The following CLEC12A variants were observed in gnomAD, a reference collection of about 807,000 sequenced individuals.
CLEC12A encodes the protein C-type lectin domain family 12 member A, also known as C-type lectin protein CLL-1.
Under a neutral mutation model 26.5 loss-of-function variants are expected in CLEC12A, and 22 were observed. The observed-to-expected ratio is 0.83, with a 90% confidence interval of 0.59 to 1.19. The LOEUF is 1.19. Among genes scored for constraint, CLEC12A ranks in the 50% most tolerant of loss-of-function variants. The pLI is 0.00. For missense variants in CLEC12A, 353 were observed against 315.6 expected, an observed-to-expected ratio of 1.12 and a Z score of -0.90; for synonymous variants, 119 against 101.9, an observed-to-expected ratio of 1.17 and a Z score of -1.01.
At chr12:9,958,062 T>C (rs1250002654) in intron 1 of CLEC12A, among the ~76,000 whole-genome samples, 1 of 152,210 alleles carries the variant, frequency 6.6e-6, no homozygotes, top group Admixed American at 6.5e-5. Context: ...ATCTGTGGTT[T>C]CCTGGAAGGT....
the CLEC12A span, among the ~76,000 whole-genome samples, chr12:10,002,106 C>T: frequency 6.6e-6 from 1 of 152,066 alleles, no homozygotes; most frequent in African/African-American, 2.4e-5. Context: ...TGGTCTTGAT[C>T]TCCTGACCTC....
chr12:9,985,033 A>G lies in CLEC12A; in HGVS notation c.*7A>G. 1.3e-6 allele frequency: 2 copies of G among 1,507,120 alleles called. No individual in the cohort carries two copies. The highest frequency in any genetic ancestry group is 8.9e-7 in the Non-Finnish European group (1 of 1,129,240). The allele number at this position is 1,507,120 out of a possible 1,614,324, so 93.4% of individuals were successfully genotyped here. ...ATATTTTAGGGAGGCATGAGGCATC[A>G]ATCAAATACATTTAAGGAGTGTAGG... On this transcript the variant is annotated 3_prime_UTR_variant, in exon 6 of 6. Transcript: ENST00000304361.
chr12:10,002,450 T>TG, the CLEC12A span, among the ~76,000 whole-genome samples: 1 of 33,916 alleles, frequency 2.9e-5, no homozygotes, highest in East Asian at 4.4e-4. Context: ...GTTTTTTTTT[T>TG]TTTTTTTTTT....
intron 1 of CLEC12A, among the ~76,000 whole-genome samples, chr12:9,956,576 G>A (rs673173): frequency 0.87 from 132,511 of 152,272 alleles, 57,907 homozygotes; most frequent in Middle Eastern, 0.92. Flanking sequence ...GGTTGTGCTC[G>A]AGAGGCCTTT....
At chr12:9,962,337 T>C (rs1023063583) in intron 1 of CLEC12A, among the ~76,000 whole-genome samples, 8 of 151,912 alleles carry the variant, frequency 5.3e-5, no homozygotes, top group African/African-American at 1.9e-4. Context: ...CTCTCAACTT[T>C]TAAATTATGT....
chr12:9,987,442 A>G (rs1302042749), downstream of CLEC12A, among the ~76,000 whole-genome samples: 1 of 152,166 alleles, frequency 6.6e-6, no homozygotes, highest in African/African-American at 2.4e-5. Context: ...CAGCCCCAAT[A>G]AATGTGCCAC....
intron 4 of CLEC12A, chr12:9,992,995 G>A (rs1436990624): frequency 1.4e-6 from 1 of 707,762 alleles, no homozygotes; most frequent in East Asian, 2.5e-5. Context: ...GAAGGGACTA[G>A]GTAATTCTGA....
rs1243744971 is a variant in CLEC12A, at chr12:9,982,047, T to C, written c.559T>C (p.Tyr187His). 4.4e-6 allele frequency: 7 copies of C among 1,589,374 alleles called. No homozygotes were observed. Among genetic ancestry groups the C allele is most frequent in the South Asian group, 1.1e-5 (1 of 90,392 alleles). The change falls in exon 5 of 6, where the codon TAT becomes CAT. Residue 187 changes from tyrosine to histidine, a missense_variant. Tyr to His is a moderately conservative substitution (Grantham distance 83). Transcript: ENST00000304361. ...ATTTATAAAATCCCAGAGTAGATCA[T>C]ATGACTATTGGCTGGGATTATCTCC... ...LEFIKSQSRS[Y>H]DYWLGLSPEE...
chr12:9,998,155 T>C, downstream of CLEC12A: 1 of 700,358 alleles, frequency 1.4e-6, no homozygotes, highest in Non-Finnish European at 2.6e-6. Context: ...TCTTGGCAAC[T>C]ATCTGTAGGA....
At chr12:9,951,286 G>A (rs1450859689), upstream of CLEC12A, 13 of 702,454 alleles carry the variant, frequency 1.9e-5, no homozygotes, top group Non-Finnish European at 3.4e-5. Context: ...CATTGCTGCT[G>A]CCAGCCCCAA....
upstream of CLEC12A, among the ~76,000 whole-genome samples, chr12:9,969,879 T>G (rs748637043): frequency 3.9e-5 from 6 of 152,228 alleles, no homozygotes; most frequent in South Asian, 4.1e-4. Flanking sequence ...ACTCACCAAC[T>G]GTGTGATGTT....
intron 1 of CLEC12A, chr12:9,952,109 T>A (rs1471314878): frequency 7.4e-6 from 1 of 135,038 alleles, no homozygotes; most frequent in Admixed American, 7.7e-5. Flanking sequence ...AAAAACAGGA[T>A]GTGAGCGCTC....
In CLEC12A at chr12:9,982,134, G is replaced by A. The variant is rs775599251; in HGVS notation, c.641+5G>A. The A allele has an allele frequency of 1.2e-5, 17 of 1,457,976 alleles. No homozygotes were observed. In the South Asian group the frequency reaches 1.8e-4, roughly 16 times the overall value. The allele number at this position is 1,457,976 out of a possible 1,614,324, so 90.3% of individuals were successfully genotyped here. A position where few individuals can be genotyped will look rare whatever the true frequency, so the allele number is the denominator to read the frequency against. ...TATAATCAACTCCTCTGCCTGGTAA[G>A]TGTCTATTCTTGTTAGAATTTTATA... On this transcript the variant is annotated splice_donor_5th_base_variant and intron_variant, in intron 5 of 5. Transcript: ENST00000304361.
chr12:9,983,706 G>A (rs1156307094), intron 5 of CLEC12A: 2 of 488,362 alleles, frequency 4.1e-6, no homozygotes, highest in Non-Finnish European at 3.6e-6. Flanking sequence ...ATCACATTGG[G>A]CCATAATGGC....
chr12:9,983,052 C>A (rs1443916753), intron 5 of CLEC12A, among the ~76,000 whole-genome samples: 1 of 152,078 alleles, frequency 6.6e-6, no homozygotes, highest in Non-Finnish European at 1.5e-5. Flanking sequence ...ATGCAATAAT[C>A]CGTTGATGGA....
downstream of CLEC12A, chr12:9,997,111 A>G (rs369761749): frequency 3.1e-6 from 5 of 1,610,212 alleles, no homozygotes; most frequent in Non-Finnish European, 4.2e-6. Flanking sequence ...CCATCAGAGA[A>G]ATGCTCCAGG....
downstream of CLEC12A, among the ~76,000 whole-genome samples, chr12:9,995,933 T>C (rs1040300926): frequency 2.2e-4 from 34 of 152,162 alleles, no homozygotes; most frequent in African/African-American, 8.2e-4. Context: ...GTCCAAATTC[T>C]GGAATAGTTT....
downstream of CLEC12A, among the ~76,000 whole-genome samples, chr12:9,988,644 C>A (rs1864824096): frequency 6.6e-6 from 1 of 152,170 alleles, no homozygotes; most frequent in Non-Finnish European, 1.5e-5. Context: ...CAGAGAAATG[C>A]AAATCAAAAC....
In CLEC12A at chr12:9,979,020, T is replaced by G. The variant is rs1156931173; in HGVS notation, c.146T>G (p.Leu49Arg). 6.2e-7 allele frequency: 1 copy of G among 1,614,004 alleles called. No homozygotes were observed. The highest frequency in any genetic ancestry group is 2.2e-5 in the East Asian group (1 of 44,880). The change falls in exon 2 of 6, where the codon CTG becomes CGG. Residue 49 changes from leucine to arginine, a missense_variant. Leu to Arg is a moderately radical substitution (Grantham distance 102). Coordinates refer to ENST00000304361, the MANE Select transcript of CLEC12A (RefSeq NM_138337.6). ...WRPAALFLTL[L>R]CLLLLIGLGV... ...CCAGCAGCCTTGTTTCTGACTCTTC[T>G]GTGCCTTCTGTTGCTCATTGGATTG...
Sources: allele counts gnomAD v4.1 joint callset (sites outside exome capture counted in the v4.1 genomes callset), GRCh38; gene constraint gnomAD v4.1.1; transcripts MANE v1.5; gene names NCBI Gene and HGNC (gene_info 2026-07-23, HGNC 2026-07-21).